Variants in TXLNB observed in about 807,000 individuals in gnomAD.
TXLNB encodes the protein taxilin beta.
Under a neutral mutation model 57.4 loss-of-function variants are expected in TXLNB, and 37 were observed. The observed-to-expected ratio is 0.64, with a 90% confidence interval of 0.50 to 0.85. TXLNB has a LOEUF of 0.85. Among genes scored for constraint, TXLNB ranks in the 40% least tolerant of loss-of-function variants. The probability of loss-of-function intolerance (pLI) is 0.00; values close to 1 mark genes in which losing one functional copy is unlikely to be tolerated. For synonymous variants in TXLNB, 302 were observed against 309.6 expected, an observed-to-expected ratio of 0.98 and a Z score of 0.26; for missense variants, 848 against 825.6, an observed-to-expected ratio of 1.03 and a Z score of -0.33.
intron 6 of TXLNB, among the ~76,000 whole-genome samples, chr6:139,258,844 T>A (rs1391867130): frequency 6.6e-6 from 1 of 152,130 alleles, no homozygotes; most frequent in East Asian, 1.9e-4. Flanking sequence ...TCAAAACACA[T>A]CTTGCTCAGT....
chr6:139,313,693 T>A, the TXLNB span, among the ~76,000 whole-genome samples: 16 of 152,000 alleles, frequency 1.1e-4, no homozygotes, highest in East Asian at 1.4e-3. Flanking sequence ...GCTGCTATAT[T>A]TTTTTTTAAG....
the TXLNB span, among the ~76,000 whole-genome samples, chr6:139,211,951 C>T: frequency 6.6e-6 from 1 of 152,150 alleles, no homozygotes; most frequent in Non-Finnish European, 1.5e-5. Context: ...AAGAAATGAA[C>T]AAAGCCTCCA....
At chr6:139,191,844 G>T in the TXLNB span, among the ~76,000 whole-genome samples, 1 of 152,074 alleles carries the variant, frequency 6.6e-6, no homozygotes. Context: ...AATGGAAAAG[G>T]GCGCACTTGG....
chr6:139,256,187 G>T (rs1215173699), intron 6 of TXLNB, among the ~76,000 whole-genome samples: 1 of 152,180 alleles, frequency 6.6e-6, no homozygotes, highest in Non-Finnish European at 1.5e-5. Flanking sequence ...TCTAGCTCAA[G>T]TATGAATCAC....
chr6:139,288,969 G>A, intron 1 of TXLNB, 56 bp from the exon 2 acceptor site: 1 of 1,294,566 alleles, frequency 7.7e-7, no homozygotes, highest in Non-Finnish European at 1.1e-6. Flanking sequence ...ACATATCAAT[G>A]CTACATTTCA....
At chr6:139,223,805 G>A in the TXLNB span, among the ~76,000 whole-genome samples, 38 of 152,222 alleles carry the variant, frequency 2.5e-4, no homozygotes, top group African/African-American at 9.2e-4. Context: ...AACAGGTGCT[G>A]GAGAGGATGT....
chr6:139,297,293 A>T, the TXLNB span, among the ~76,000 whole-genome samples: 1 of 152,168 alleles, frequency 6.6e-6, no homozygotes, highest in East Asian at 1.9e-4. Context: ...GATTTTTACC[A>T]TAAAGATGTG....
At chr6:139,234,486 G>A in the TXLNB span, 1 of 152,560 alleles carries the variant, frequency 6.6e-6, no homozygotes, top group East Asian at 1.9e-4. Context: ...CTCCAGCAGT[G>A]GCTAAAAGGG....
chr6:139,256,425 G>A (rs1776342557), intron 6 of TXLNB, among the ~76,000 whole-genome samples: 1 of 152,160 alleles, frequency 6.6e-6, no homozygotes, highest in Non-Finnish European at 1.5e-5. Context: ...CGCCTCCTGG[G>A]TTCAAGCAAT....
chr6:139,255,235 G>C, intron 7 of TXLNB: 1 of 359,148 alleles, frequency 2.8e-6, no homozygotes, highest in Non-Finnish European at 5.3e-6. Flanking sequence ...ACAGGGCAAT[G>C]AGAGGGGAAG....
At chr6:139,257,617 G>A (rs1256588373) in intron 6 of TXLNB, among the ~76,000 whole-genome samples, 2 of 152,078 alleles carry the variant, frequency 1.3e-5, no homozygotes, top group African/African-American at 2.4e-5. Context: ...AACAGTGAAC[G>A]CAGAGATCAA....
the TXLNB span, among the ~76,000 whole-genome samples, chr6:139,315,742 A>G: frequency 6.6e-6 from 1 of 152,248 alleles, no homozygotes; most frequent in Non-Finnish European, 1.5e-5. Flanking sequence ...CATGAGAATA[A>G]AGCAAATGAT....
In TXLNB at chr6:139,242,299, A is replaced by G. The variant is rs1775952733; in HGVS notation, c.*227T>C. The G allele has an allele frequency of 2.6e-6, 1 of 384,618 alleles. No individual in the cohort carries two copies. The highest frequency in any genetic ancestry group is 4.5e-5 in the Admixed American group (1 of 22,100). The allele number at this position is 384,618 out of a possible 1,614,324, so 23.8% of individuals were successfully genotyped here. A position where few individuals can be genotyped will look rare whatever the true frequency, so the allele number is the denominator to read the frequency against. ...TCTGTATGTTTTGTTGCCCTTTGGG[A>G]AAATTATACTGTCAACCAGTGTTAA... On this transcript the variant is annotated 3_prime_UTR_variant, in exon 10 of 10. Coordinates refer to ENST00000358430, the MANE Select transcript of TXLNB (RefSeq NM_153235.4).
the TXLNB span, among the ~76,000 whole-genome samples, chr6:139,317,616 A>G: frequency 7.9e-5 from 12 of 152,004 alleles, no homozygotes; most frequent in African/African-American, 2.9e-4. Flanking sequence ...AGCCAGGATG[A>G]TCTCGATCTC....
At chr6:139,166,515 G>T in the TXLNB span, 1 of 1,614,226 alleles carries the variant, frequency 6.2e-7, no homozygotes, top group Non-Finnish European at 8.5e-7. Context: ...ACAAAGAAGG[G>T]CTACGACCTG....
chr6:139,262,485 G>T, intron 5 of TXLNB, 94 bp downstream of exon 5: 1 of 1,111,156 alleles, frequency 9.0e-7, no homozygotes, highest in Non-Finnish European at 1.3e-6. Context: ...CAGTTGAGAG[G>T]GCTGGCTGTA....
At chr6:139,243,443 G>C in intron 9 of TXLNB, 129 bp from the exon 10 acceptor site, 1 of 942,688 alleles carries the variant, frequency 1.1e-6, no homozygotes, top group Non-Finnish European at 1.5e-6. Flanking sequence ...TCTGGGACCT[G>C]GCTACAGAGT....
At chr6:139,266,185 A>T (rs1022399770) in intron 4 of TXLNB, among the ~76,000 whole-genome samples, 7 of 152,260 alleles carry the variant, frequency 4.6e-5, no homozygotes, top group Admixed American at 1.3e-4. Context: ...TCCAGGATCC[A>T]ATAGACAATG....
Position 139,242,776 on chromosome 6 carries a change from G to C in TXLNB, c.1805C>G (p.Ala602Gly). The change falls in exon 10 of 10, where the codon GCG becomes GGG. Residue 602 changes from alanine (A) to glycine (G), a missense_variant. By Grantham distance (60) the Ala-to-Gly change is moderately conservative (BLOSUM62 0). Transcript: ENST00000358430. The part of the protein sequence containing the change: ...GLPVGAQADQ[A>G]SWKPEAEASG... ...AGCTTCTGCCTCTGGCTTCCAGGAC[G>C]CCTGATCAGCCTGTGCTCCAACAGG... The C allele has an allele frequency of 1.2e-6, 2 of 1,614,098 alleles. No homozygotes were observed. Among genetic ancestry groups the C allele is most frequent in the Non-Finnish European group, 1.7e-6 (2 of 1,180,008 alleles).
Sources: gnomAD v4.1 joint callset for allele counts (sites outside exome capture counted in the v4.1 genomes callset) on GRCh38, gnomAD v4.1.1 for gene constraint, MANE v1.5 for transcripts, NCBI Gene and HGNC (gene_info 2026-07-23, HGNC 2026-07-21) for gene names.